ST7: variants seen among roughly 807,000 people sequenced by gnomAD.
The protein encoded by ST7 is suppression of tumorigenicity 7.
In ST7, 28 loss-of-function variants were observed where a neutral mutation model predicts 78.7. The observed-to-expected ratio is 0.36, with a 90% CI of 0.26 to 0.49. The LOEUF (loss-of-function observed/expected upper bound fraction) is 0.49. Ranked by LOEUF, ST7 falls within the 20% of genes least tolerant of loss-of-function variation. The pLI is 0.99. For missense variants in ST7, 418 were observed against 696.0 expected (o/e 0.60, Z 4.49); for synonymous variants, 247 against 249.6 (o/e 0.99, Z 0.10).
rs939642984 is a variant in ST7, at chr7:117,219,293, CT to C, written c.1498+118del. ...TCTTTTATTACTTTTCTCCAAACCC[CT>C]GTCCTTGTTTGATAGCATATGTATT... On this transcript the variant is annotated intron_variant, in intron 14 of 15. Transcript: ENST00000323984. The surrounding 1 kb of genome is among the most constrained non-coding windows in gnomAD (Gnocchi z 5.1). The C allele has an allele frequency of 2.3e-5, 20 of 853,946 alleles. No homozygotes were observed. Among genetic ancestry groups the C allele is most frequent in the Non-Finnish European group, 3.5e-5 (19 of 540,092 alleles). The allele number at this position is 853,946 out of a possible 1,614,324, so 52.9% of individuals were successfully genotyped here.
intron 2 of ST7, among the ~76,000 whole-genome samples, chr7:117,110,137 G>A (rs916049279): frequency 2.0e-5 from 3 of 152,108 alleles, no homozygotes; most frequent in African/African-American, 7.2e-5. Flanking sequence ...AGAAGGGAAG[G>A]CATTACAAGT....
chr7:117,093,201 T>C (rs922581973), intron 1 of ST7, among the ~76,000 whole-genome samples: 17 of 152,194 alleles, frequency 1.1e-4, no homozygotes, highest in Non-Finnish European at 2.1e-4. Flanking sequence ...TTCTATGAAA[T>C]GATTCTTCAT....
chr7:116,955,442 G>A (rs1792413918), intron 1 of ST7, among the ~76,000 whole-genome samples: 1 of 151,926 alleles, frequency 6.6e-6, no homozygotes, highest in African/African-American at 2.4e-5. Flanking sequence ...AACAAGAGGG[G>A]GCCCACTTTC....
chr7:117,031,884 T>A (rs71544779), intron 1 of ST7, among the ~76,000 whole-genome samples: 43,111 of 64,558 alleles, frequency 0.67, 12,173 homozygotes, highest in East Asian at 0.82. Flanking sequence ...ATATATATAT[T>A]TTTTTTTTTT....
chr7:116,991,764 A>G (rs1004378151), intron 1 of ST7, among the ~76,000 whole-genome samples: 2 of 152,142 alleles, frequency 1.3e-5, no homozygotes, highest in Non-Finnish European at 2.9e-5. Context: ...ATTAACCCAA[A>G]AGTCCACAGT....
intron 1 of ST7, among the ~76,000 whole-genome samples, chr7:117,038,012 G>A (rs1399500983): frequency 6.6e-6 from 1 of 152,094 alleles, no homozygotes; most frequent in African/African-American, 2.4e-5. Flanking sequence ...AAAATCTGAT[G>A]GTAGATGTTT....
chr7:117,130,424 C>G (rs994454224), intron 4 of ST7, 67 bp from the exon 5 acceptor site: 1 of 1,183,900 alleles, frequency 8.4e-7, no homozygotes, highest in South Asian at 1.4e-5. Context: ...GCCTCTGCAG[C>G]TTAATATTTT....
intron 9 of ST7, among the ~76,000 whole-genome samples, chr7:117,158,294 G>A (rs536389561): frequency 6.6e-6 from 1 of 152,280 alleles, no homozygotes; most frequent in East Asian, 1.9e-4. Flanking sequence ...AAACATTTTT[G>A]TTGGGCTGTG....
chr7:117,057,208 T>TTA (rs1438084773), intron 1 of ST7, among the ~76,000 whole-genome samples: 4 of 152,226 alleles, frequency 2.6e-5, no homozygotes, highest in Non-Finnish European at 5.9e-5. Flanking sequence ...ATTACCTAAT[T>TTA]TATGTCATTA....
At chr7:117,075,982 C>A (rs1799310600) in intron 1 of ST7, among the ~76,000 whole-genome samples, 1 of 152,200 alleles carries the variant, frequency 6.6e-6, no homozygotes, top group African/African-American at 2.4e-5. Flanking sequence ...GCCAAGAGAT[C>A]CCCTCATTCA....
chr7:117,002,937 T>C lies in ST7; in HGVS notation c.151+49246T>C, dbSNP rs987926981. Among the ~76,000 whole-genome samples the C allele has an allele frequency of 3.4e-5, 5 of 146,372 alleles. No homozygotes were observed. In the East Asian group the frequency reaches 1.1e-3, roughly 32 times the overall value. The stretch of plus-strand genomic sequence containing the variant: ...TCCCAGGTTCAAGCAATTCTTCTGC[T>C]TCAGCCTCCTGAGTAGCTGGGATTA... On this transcript the variant is annotated intron_variant, in intron 1 of 15. Coordinates refer to ENST00000323984, the MANE Select transcript of ST7 (RefSeq NM_001369598.1).
intron 1 of ST7, among the ~76,000 whole-genome samples, chr7:117,071,204 C>G (rs558000898): frequency 6.6e-6 from 1 of 152,150 alleles, no homozygotes; most frequent in Admixed American, 6.5e-5. Flanking sequence ...GCCTGGGCGA[C>G]AGAGCGAGAC....
At chr7:117,034,650 C>A (rs1796784944) in intron 1 of ST7, among the ~76,000 whole-genome samples, 1 of 152,262 alleles carries the variant, frequency 6.6e-6, no homozygotes, top group East Asian at 1.9e-4. Flanking sequence ...ATTGGTTTAT[C>A]TAATTTATAT....
rs1052173152 is a variant in ST7 at position 117,216,329 on chromosome 7, A to G, written c.1406-2755A>G. Among the ~76,000 whole-genome samples, 4 of 152,190 alleles carry G rather than the reference A, an allele frequency of 2.6e-5. No homozygotes were observed. In the East Asian group the frequency reaches 7.7e-4, roughly 29 times the overall value. On this transcript the variant is annotated intron_variant, in intron 13 of 15. Transcript: ENST00000323984. ...CAGAAATATCATTTATATACCATGT[A>G]TTCACTCTGAGTGGCCTAACTTTTT...
chr7:117,122,476 G>A (rs556393051), intron 3 of ST7, among the ~76,000 whole-genome samples: 2 of 152,068 alleles, frequency 1.3e-5, no homozygotes, highest in Non-Finnish European at 2.9e-5. Flanking sequence ...CTAAGACTGA[G>A]CTTTTGGATA....
chr7:117,184,303 C>T (rs1444733516), intron 10 of ST7: 6 of 152,258 alleles, frequency 3.9e-5, no homozygotes, highest in South Asian at 2.1e-4. Context: ...GATTCTAACT[C>T]GTAAGAGGTA....
At chr7:117,066,589 A>G (rs1340874501) in intron 1 of ST7, among the ~76,000 whole-genome samples, 4 of 151,852 alleles carry the variant, frequency 2.6e-5, no homozygotes, top group African/African-American at 4.8e-5. Flanking sequence ...GTGAAATCCC[A>G]TCTCTACTAA....
At position 117,131,927 on chromosome 7, in the gene ST7, T is replaced by C; in HGVS notation, c.608T>C (p.Ile203Thr). 6.2e-7 allele frequency: 1 copy of C among 1,611,420 alleles called. No homozygotes were observed. Among genetic ancestry groups the C allele is most frequent in the East Asian group, 2.2e-5 (1 of 44,810 alleles). ...AWRERNPQAR[I>T]SAAHEALEIN... ...AGAGAGAGAAACCCCCAAGCTAGGA[T>C]TTCTGCAGCTCATGAAGCCTTGGAG... Residue 203 changes from isoleucine (I) to threonine (T), a missense_variant, in exon 6 of 16, where the codon ATT (isoleucine) becomes ACT (threonine). Coordinates refer to ENST00000323984, the MANE Select transcript of ST7 (RefSeq NM_001369598.1).
intron 10 of ST7, among the ~76,000 whole-genome samples, chr7:117,176,388 C>A (rs1461743424): frequency 6.6e-6 from 1 of 152,162 alleles, no homozygotes. Flanking sequence ...TAGAAAAGGA[C>A]ATGTTTCTAA....
Sources: gnomAD v4.1 joint callset for allele counts (sites outside exome capture counted in the v4.1 genomes callset) on GRCh38, gnomAD v4.1.1 for gene constraint, Gnocchi (gnomAD v3.1) non-coding constraint, MANE v1.5 for transcripts, NCBI Gene and HGNC (gene_info 2026-07-23, HGNC 2026-07-21) for gene names.